Variants in GSK3B observed in about 807,000 individuals in gnomAD.
GSK3B encodes the protein glycogen synthase kinase 3 beta.
A neutral mutation model predicts 56.4 loss-of-function variants in GSK3B; 15 were observed. The ratio of observed to expected loss-of-function variants is 0.27; its 90% CI spans 0.18 to 0.41. The LOEUF (loss-of-function observed/expected upper bound fraction) is 0.41, where lower values mean the gene tolerates loss of function less well. GSK3B is among the 10% of genes least tolerant of loss of function. The probability of loss-of-function intolerance (pLI) is 1.00; values close to 1 mark genes in which losing one functional copy is unlikely to be tolerated. For missense variants in GSK3B, 300 were observed against 513.4 expected (o/e 0.58, Z 4.02); for synonymous variants, 181 against 188.9 (o/e 0.96, Z 0.34).
At position 119,826,793 on chromosome 3, in the gene GSK3B, T is replaced by C. The variant is rs1222836539; in HGVS notation, c.1258A>G (p.Thr420Ala). The C allele has an allele frequency of 6.2e-7, 1 of 1,609,468 alleles. No individual in the cohort carries two copies. The highest frequency in any genetic ancestry group is 8.5e-7 in the Non-Finnish European group (1 of 1,176,002). The change falls in exon 11 of 11, where the codon ACC becomes GCC. Residue 420 changes from threonine to alanine, a missense_variant. By Grantham distance (58) the Thr-to-Ala change is moderately conservative. Around this residue, in one of 6 missense-constraint regions of GSK3B, gnomAD observed 88 missense variants for 92.7 expected, o/e 0.95. Transcript: ENST00000264235. ...NAASASASNS[T>A] ...AGCTGGCTGCTCGGGACTGTTCAGG[T>C]GGAGTTGGAAGCTGATGCAGAAGCA...
At chr3:119,962,143 A>G (rs1418326780) in intron 2 of GSK3B, among the ~76,000 whole-genome samples, 1 of 152,224 alleles carries the variant, frequency 6.6e-6, no homozygotes, top group Non-Finnish European at 1.5e-5. Context: ...TGGGAGGCTG[A>G]GGCAGGTGGA....
At chr3:119,839,890 G>T (rs1577307131) in intron 10 of GSK3B, among the ~76,000 whole-genome samples, 1 of 152,246 alleles carries the variant, frequency 6.6e-6, no homozygotes, top group East Asian at 1.9e-4. Context: ...GTATGTGGGG[G>T]TATATTACTG....
chr3:120,025,727 A>C (rs192281746), intron 1 of GSK3B, among the ~76,000 whole-genome samples: 1 of 152,330 alleles, frequency 6.6e-6, no homozygotes, highest in East Asian at 1.9e-4. Context: ...TCCAAACAGA[A>C]AAAAATTAGT....
At chr3:119,895,724 A>G in intron 7 of GSK3B, among the ~76,000 whole-genome samples, 1 of 152,168 alleles carries the variant, frequency 6.6e-6, no homozygotes, top group Non-Finnish European at 1.5e-5. Flanking sequence ...CAATAAATAT[A>G]AAGGTTTATT....
intron 1 of GSK3B, among the ~76,000 whole-genome samples, chr3:120,076,197 C>A (rs1306817722): frequency 6.6e-6 from 1 of 152,118 alleles, no homozygotes; most frequent in Admixed American, 6.5e-5. Flanking sequence ...ACACCAGACA[C>A]AAAAACCAAC....
Position 119,844,741 on chromosome 3 carries a change from A to G in GSK3B, c.1097-1388T>C, listed in dbSNP as rs533883838. Among the ~76,000 whole-genome samples the G allele has an allele frequency of 1.5e-3, 228 of 152,328 alleles. 2 individuals carry two copies. The highest frequency in any genetic ancestry group is 5.1e-3 in the African/African-American group (214 of 41,568). On this transcript the variant is annotated intron_variant, in intron 9 of 10. Coordinates refer to ENST00000264235, the MANE Select transcript of GSK3B (RefSeq NM_001146156.2). ...GAATTCTACCAGAGGTACAAAGAGG[A>G]GCTGGTACCATTCCTTCTGAAACTA...
At chr3:120,082,304 C>T (rs1476793579) in intron 1 of GSK3B, among the ~76,000 whole-genome samples, 1 of 151,538 alleles carries the variant, frequency 6.6e-6, no homozygotes, top group African/African-American at 2.4e-5. Flanking sequence ...AAATTCTAAG[C>T]CTGCACTGTC....
intron 1 of GSK3B, among the ~76,000 whole-genome samples, chr3:120,054,671 G>A (rs541116316): frequency 6.6e-6 from 1 of 152,096 alleles, no homozygotes; most frequent in African/African-American, 2.4e-5. Flanking sequence ...ATTCTCAAAG[G>A]ATGATCTTAA....
rs2055498804 is a variant in GSK3B at position 119,826,051 on chromosome 3, T to C, written c.*737A>G. Reference sequence around the variant, plus strand: ...GAGCCACCTGTAGAGCATGTGTGCCTGAGTCTTGCTTGCTGCTTCCCCTCT... The same window carrying C: ...GAGCCACCTGTAGAGCATGTGTGCCCGAGTCTTGCTTGCTGCTTCCCCTCT... On this transcript the variant is annotated 3_prime_UTR_variant, in exon 11 of 11. Coordinates refer to ENST00000264235, the MANE Select transcript of GSK3B (RefSeq NM_001146156.2). 4.5e-6 allele frequency: 1 copy of C among 222,860 alleles called. No individual in the cohort carries two copies. Among genetic ancestry groups the C allele is most frequent in the Non-Finnish European group, 8.9e-6 (1 of 111,798 alleles). The allele number at this position is 222,860 out of a possible 1,614,324, so 13.8% of individuals were successfully genotyped here. A position where few individuals can be genotyped will look rare whatever the true frequency, so the allele number is the denominator to read the frequency against.
At chr3:119,995,138 C>T (rs1260319794) in intron 2 of GSK3B, among the ~76,000 whole-genome samples, 1 of 101,836 alleles carries the variant, frequency 9.8e-6, no homozygotes, top group Admixed American at 1.1e-4. Context: ...CCAGCCTGGG[C>T]AAAACAGGGA....
intron 10 of GSK3B, among the ~76,000 whole-genome samples, chr3:119,839,483 C>A (rs1033949737): frequency 2.0e-5 from 3 of 152,042 alleles, no homozygotes; most frequent in Non-Finnish European, 4.4e-5. Context: ...GTGTCCCAAG[C>A]AGTTTATCTA....
intron 1 of GSK3B, among the ~76,000 whole-genome samples, chr3:120,064,292 T>C (rs140595561): frequency 1.5e-3 from 232 of 151,948 alleles, no homozygotes; most frequent in Middle Eastern, 3.4e-3. Flanking sequence ...TGTTTTCCCA[T>C]TTAAAAAAAT....
chr3:119,827,836 G>A (rs758173431), intron 10 of GSK3B, among the ~76,000 whole-genome samples: 1 of 149,010 alleles, frequency 6.7e-6, no homozygotes, highest in Non-Finnish European at 1.5e-5. Flanking sequence ...GAAGGGTAGC[G>A]GGGGTGGGGG....
Position 119,916,184 on chromosome 3 carries a change from A to G in GSK3B, c.478-10T>C, listed in dbSNP as rs55966633. The G allele has an allele frequency of 1.2e-3, 1,856 of 1,581,974 alleles. 1 individual carries two copies. The highest frequency in any genetic ancestry group is 1.5e-3 in the Non-Finnish European group (1,735 of 1,151,806). On this transcript the variant is annotated splice_polypyrimidine_tract_variant and intron_variant, in intron 4 of 10. Coordinates refer to ENST00000264235, the MANE Select transcript of GSK3B (RefSeq NM_001146156.2). The stretch of plus-strand genomic sequence containing the variant: ...GCTGATACATATACAACTGGAATAG[A>G]TAGTAGAAATTAATTAAATACTTCC...
intron 1 of GSK3B, among the ~76,000 whole-genome samples, chr3:120,036,069 C>A (rs1156508398): frequency 6.6e-6 from 1 of 152,122 alleles, no homozygotes; most frequent in Non-Finnish European, 1.5e-5. Flanking sequence ...CAGAAAGCAT[C>A]CAATATTTTG....
At chr3:119,875,345 C>T (rs1576166597) in intron 8 of GSK3B, among the ~76,000 whole-genome samples, 2 of 151,882 alleles carry the variant, frequency 1.3e-5, no homozygotes, top group East Asian at 1.9e-4. Flanking sequence ...AATTATTTCA[C>T]CTATAGCCCT....
At chr3:119,889,235 C>T (rs545459273) in intron 7 of GSK3B, among the ~76,000 whole-genome samples, 36 of 152,138 alleles carry the variant, frequency 2.4e-4, no homozygotes, top group African/African-American at 8.4e-4. Context: ...ATGTCACCCC[C>T]GGAGGCCGAG....
chr3:120,069,613 C>T (rs969009159), intron 1 of GSK3B, among the ~76,000 whole-genome samples: 4 of 149,122 alleles, frequency 2.7e-5, no homozygotes, highest in African/African-American at 1.0e-4. Flanking sequence ...ACCTAACGGT[C>T]AATACAAACC....
intron 1 of GSK3B, among the ~76,000 whole-genome samples, chr3:120,050,078 C>T (rs954989285): frequency 6.6e-6 from 1 of 152,144 alleles, no homozygotes; most frequent in Non-Finnish European, 1.5e-5. Context: ...GACAAAGAAG[C>T]TCAAAGGGGA....
Sources: allele counts gnomAD v4.1 joint callset (sites outside exome capture counted in the v4.1 genomes callset), GRCh38; gene constraint gnomAD v4.1.1; regional missense constraint gnomAD v4.1.1; transcripts MANE v1.5; gene names NCBI Gene and HGNC (gene_info 2026-07-23, HGNC 2026-07-21).